The following CADM2 variants were observed in gnomAD, a reference collection of about 807,000 sequenced individuals.
CADM2 encodes cell adhesion molecule 2.
In CADM2, 12 loss-of-function variants were observed where a neutral mutation model predicts 49.8. That is an observed-to-expected ratio of 0.24 (90% CI 0.15 to 0.39). The LOEUF is 0.39. Among genes scored for constraint, CADM2 ranks in the 10% least tolerant of loss-of-function variants. The pLI is 1.00. For missense variants in CADM2, 378 were observed against 492.3 expected, an observed-to-expected ratio of 0.77 and a Z score of 2.20; for synonymous variants, 214 against 175.4, an observed-to-expected ratio of 1.22 and a Z score of -1.74.
At position 85,564,938 on chromosome 3, in the gene CADM2, T is replaced by C. The variant is rs146111951; in HGVS notation, c.62-161584T>C. Among the ~76,000 whole-genome samples, 133 of 152,260 alleles carry C rather than the reference T, an allele frequency of 8.7e-4. 1 individual carries two copies. The highest frequency in any genetic ancestry group is 3.1e-3 in the African/African-American group (130 of 41,588). ...GAAGATTATAAAAACTTCAGCATTT[T>C]ATAAAGACACAAGGTATATAGCTCG... On this transcript the variant is annotated intron_variant, in intron 1 of 9. Coordinates refer to ENST00000383699, the MANE Select transcript of CADM2 (RefSeq NM_001167675.2).
intron 1 of CADM2, among the ~76,000 whole-genome samples, chr3:85,359,660 A>ATTT (rs1289345059): frequency 1.7e-3 from 34 of 19,440 alleles, no homozygotes; most frequent in East Asian, 3.9e-3. Context: ...ATATATATAT[A>ATTT]TATATATTTT....
At chr3:85,726,947 A>C (rs1374185114) in intron 2 of CADM2, among the ~76,000 whole-genome samples, 1 of 152,114 alleles carries the variant, frequency 6.6e-6, no homozygotes, top group African/African-American at 2.4e-5. Context: ...GTGAAAATAA[A>C]ATTTAATCTT....
At chr3:85,032,960 T>C (rs2035051223) in intron 1 of CADM2, among the ~76,000 whole-genome samples, 1 of 152,208 alleles carries the variant, frequency 6.6e-6, no homozygotes, top group Non-Finnish European at 1.5e-5. Flanking sequence ...TGAGAGATTT[T>C]CAGTAATATT....
chr3:85,714,885 C>G (rs557067761), intron 1 of CADM2, among the ~76,000 whole-genome samples: 1 of 152,000 alleles, frequency 6.6e-6, no homozygotes. Context: ...CCATTATAAC[C>G]ATTACAAAGC....
At chr3:85,373,127 G>A (rs768675764) in intron 1 of CADM2, among the ~76,000 whole-genome samples, 1 of 152,064 alleles carries the variant, frequency 6.6e-6, no homozygotes, top group Non-Finnish European at 1.5e-5. Context: ...AAAGTCCACA[G>A]CCCAAAGTAT....
intron 2 of CADM2, among the ~76,000 whole-genome samples, chr3:85,769,493 AT>A: frequency 3.2e-5 from 2 of 63,354 alleles, no homozygotes; most frequent in Non-Finnish European, 5.8e-5. Context: ...ATATACATAT[AT>A]ACATATATGT....
chr3:85,572,732 C>G (rs1194958114), intron 1 of CADM2, among the ~76,000 whole-genome samples: 1 of 152,152 alleles, frequency 6.6e-6, no homozygotes, highest in Non-Finnish European at 1.5e-5. Flanking sequence ...TGTCCAAGGA[C>G]AGGAGAGAAA....
chr3:85,642,989 C>A (rs977635139), intron 1 of CADM2, among the ~76,000 whole-genome samples: 1 of 152,052 alleles, frequency 6.6e-6, no homozygotes, highest in South Asian at 2.1e-4. Context: ...ATTTTTCATA[C>A]CTTGGCAAAT....
intron 1 of CADM2, among the ~76,000 whole-genome samples, chr3:85,130,776 A>G (rs918075266): frequency 6.6e-6 from 1 of 152,168 alleles, no homozygotes; most frequent in Non-Finnish European, 1.5e-5. Flanking sequence ...ATTGTTAACC[A>G]TTTTTATGTA....
intron 8 of CADM2, among the ~76,000 whole-genome samples, chr3:85,986,121 C>A (rs147075866): frequency 0.01 from 1,593 of 152,090 alleles, 29 homozygotes; most frequent in African/African-American, 0.034. Flanking sequence ...CCCTTCTATT[C>A]TCTACATCCT....
intron 1 of CADM2, among the ~76,000 whole-genome samples, chr3:85,116,516 G>A (rs1221261198): frequency 2.0e-5 from 3 of 152,114 alleles, no homozygotes; most frequent in South Asian, 2.1e-4. Context: ...AAGTGATATT[G>A]TTATATGAGT....
chr3:85,642,616 C>A (rs1413291670), intron 1 of CADM2, among the ~76,000 whole-genome samples: 1 of 152,012 alleles, frequency 6.6e-6, no homozygotes, highest in Non-Finnish European at 1.5e-5. Flanking sequence ...CTATTATTTG[C>A]TCAGATAACC....
At position 85,032,796 on chromosome 3, in the gene CADM2, A is replaced by C. The variant is rs6549008; in HGVS notation, c.61+73128A>C. On this transcript the variant is annotated intron_variant, in intron 1 of 9. Transcript: ENST00000383699. ...AGCATTCCTGCATGACTTACCTTGA[A>C]AAAGAGAATAAAATGAACTAAATAT... is the stretch of plus-strand genomic sequence containing the variant. Among the ~76,000 whole-genome samples, 697 of 152,290 alleles carry C rather than the reference A, an allele frequency of 4.6e-3. 4 individuals carry two copies. Among genetic ancestry groups the C allele is most frequent in the African/African-American group, 0.016 (671 of 41,570 alleles).
chr3:85,667,108 A>T (rs1235180620), intron 1 of CADM2, among the ~76,000 whole-genome samples: 1 of 151,958 alleles, frequency 6.6e-6, no homozygotes, highest in African/African-American at 2.4e-5. Flanking sequence ...TTCCTGGTAA[A>T]ATCATAATAA....
chr3:85,142,025 C>T (rs899498441), intron 1 of CADM2, among the ~76,000 whole-genome samples: 3 of 152,214 alleles, frequency 2.0e-5, no homozygotes, highest in Non-Finnish European at 4.4e-5. Flanking sequence ...AAAGAACCCA[C>T]ATCAGTTTAT....
chr3:85,633,487 G>A (rs4435654), intron 1 of CADM2, among the ~76,000 whole-genome samples: 119,645 of 151,846 alleles, frequency 0.79, 47,948 homozygotes, highest in African/African-American at 0.94. Flanking sequence ...CATATTAGAT[G>A]CACTAGGGAC....
At chr3:85,231,873 G>A (rs182587796) in intron 1 of CADM2, among the ~76,000 whole-genome samples, 20 of 151,326 alleles carry the variant, frequency 1.3e-4, no homozygotes, top group Non-Finnish European at 2.2e-4. Flanking sequence ...CACCACACCC[G>A]ACTAATTTTT....
At chr3:85,847,816 A>G (rs2074943447) in intron 3 of CADM2, among the ~76,000 whole-genome samples, 1 of 152,156 alleles carries the variant, frequency 6.6e-6, no homozygotes, top group African/African-American at 2.4e-5. Flanking sequence ...TGAGGAAGGT[A>G]AAGTTTAGAT....
At chr3:85,764,980 G>GT (rs915995211) in intron 2 of CADM2, among the ~76,000 whole-genome samples, 48 of 151,884 alleles carry the variant, frequency 3.2e-4, no homozygotes, top group Admixed American at 5.3e-4. Context: ...TTTGTTTTTT[G>GT]TTTTTTTCTA....
Sources: gnomAD v4.1 joint callset for allele counts (sites outside exome capture counted in the v4.1 genomes callset) on GRCh38, gnomAD v4.1.1 for gene constraint, MANE v1.5 for transcripts, NCBI Gene and HGNC (gene_info 2026-07-23, HGNC 2026-07-21) for gene names.